Variants in PPIL2 observed in about 807,000 individuals in gnomAD.
PPIL2 encodes peptidylprolyl isomerase like 2.
Under a neutral mutation model 75.2 loss-of-function variants are expected in PPIL2, and 50 were observed. The observed-to-expected ratio is 0.66, with a 90% CI of 0.53 to 0.84. The LOEUF (loss-of-function observed/expected upper bound fraction) is 0.84. PPIL2 is among the 40% of genes least tolerant of loss of function. PPIL2 has a pLI of 0.00. For synonymous variants in PPIL2, 245 were observed against 258.8 expected (o/e 0.95, Z 0.51); for missense variants, 590 against 685.0 (o/e 0.86, Z 1.55).
chr22:21,680,356 G>C (rs1413407506), intron 6 of PPIL2, among the ~76,000 whole-genome samples: 2 of 152,076 alleles, frequency 1.3e-5, no homozygotes, highest in Non-Finnish European at 2.9e-5. Flanking sequence ...GTGAAACACT[G>C]TCTCTACTAA....
At chr22:21,670,281 G>T in intron 2 of PPIL2, 1 of 1,416,390 alleles carries the variant, frequency 7.1e-7, no homozygotes, top group African/African-American at 1.5e-5. Context: ...GGAATAAAAA[G>T]AATGATAATA....
Position 21,690,741 on chromosome 22 carries a change from TC to T in PPIL2, c.1139+1895del, listed in dbSNP as rs369549972. Among the ~76,000 whole-genome samples the T allele has an allele frequency of 7.5e-4, 114 of 152,334 alleles. No homozygotes were observed. In the East Asian group the frequency reaches 0.021, roughly 29 times the overall value. On this transcript the variant is annotated intron_variant, in intron 15 of 19. Transcript: ENST00000398831. ...CGTCTGTCATTTTGAGGGTGCATGT[TC>T]CCTCTTCACTGCTTGCTGGTTGTTG...
chr22:21,696,715 A>AT lies in PPIL2; in HGVS notation c.*1230dup. The AT allele has an allele frequency of 8.5e-6, 13 of 1,536,408 alleles. No homozygotes were observed. The highest frequency in any genetic ancestry group is 1.1e-5 in the Non-Finnish European group (13 of 1,146,508). On this transcript the variant is annotated 3_prime_UTR_variant, in exon 20 of 20. Coordinates refer to ENST00000398831, the MANE Select transcript of PPIL2 (RefSeq NM_014337.4). ...CTTAGGCCTTGTTCTTGGTTTTCTC[A>AT]TTTTTGTTGCCCCAAATCTTGAACC... is the stretch of plus-strand genomic sequence containing the variant.
chr22:21,669,336 A>G (rs773759827), intron 1 of PPIL2: 8 of 451,280 alleles, frequency 1.8e-5, no homozygotes, highest in Non-Finnish European at 3.6e-5. Context: ...TCTTGTAGAG[A>G]CAGATTCTCG....
intron 1 of PPIL2, among the ~76,000 whole-genome samples, chr22:21,666,528 A>T (rs756691192): frequency 1.6e-4 from 25 of 152,096 alleles, no homozygotes; most frequent in Non-Finnish European, 3.2e-4. Flanking sequence ...AAAGCAAACC[A>T]GGTCGGGCGC....
At position 21,688,608 on chromosome 22, in the gene PPIL2, A is replaced by G. The variant is rs1375704693; in HGVS notation, c.1022-124A>G. ...GTGGCGTGGGGCTGGGAGCCTCCCT[A>G]TCAAGTGCCCCTGCCCCAGGCTGGG... On this transcript the variant is annotated intron_variant, in intron 14 of 19. Transcript: ENST00000398831. 9 of 886,150 alleles carry G rather than the reference A, an allele frequency of 1.0e-5. No individual in the cohort carries two copies. The South Asian group carries it at 1.3e-4, about 12-fold the overall frequency. The allele number at this position is 886,150 out of a possible 1,614,324, so 54.9% of individuals were successfully genotyped here.
chr22:21,684,684 T>C lies in PPIL2; in HGVS notation c.554-69T>C. ...ACGGCCCTGGGCTATTCTAGATCTG[T>C]GTCCCCAGCACGTGTGTGGGGAGGC... On this transcript the variant is annotated intron_variant, in intron 9 of 19. Transcript: ENST00000398831. 12 of 1,564,546 alleles carry C rather than the reference T, an allele frequency of 7.7e-6. No individual in the cohort carries two copies. The East Asian group carries it at 9.1e-5, about 12-fold the overall frequency.
At chr22:21,670,786 T>C (rs2066601720) in intron 3 of PPIL2, 175 bp downstream of exon 3, 3 of 863,932 alleles carry the variant, frequency 3.5e-6, no homozygotes, top group African/African-American at 1.7e-5. Context: ...GGAGCTTGCC[T>C]TGGTGTTGGA....
rs374736196 is a variant in PPIL2, at chr22:21,682,430, G to A, written c.388-7G>A. ...GGCATCGTAAAACCACTTCCTCCTG[G>A]CTATAGGCAGTGGAACAGCTAAATA... is the stretch of plus-strand genomic sequence containing the variant. On this transcript the variant is annotated splice_polypyrimidine_tract_variant and splice_region_variant and intron_variant, in intron 7 of 19. Transcript: ENST00000398831. 18 of 1,612,498 alleles carry A rather than the reference G, an allele frequency of 1.1e-5. No individual in the cohort carries two copies. The highest frequency in any genetic ancestry group is 1.5e-5 in the Non-Finnish European group (18 of 1,178,698).
At chr22:21,671,196 A>G (rs2066619267) in intron 4 of PPIL2, 137 bp downstream of exon 4, 7 of 879,502 alleles carry the variant, frequency 8.0e-6, no homozygotes, top group Non-Finnish European at 1.3e-5. Context: ...CATGGCAGCA[A>G]TGCTGCTGTG....
intron 11 of PPIL2, 58 bp downstream of exon 11, chr22:21,686,616 G>T: frequency 6.5e-7 from 1 of 1,533,152 alleles, no homozygotes; most frequent in East Asian, 2.3e-5. Flanking sequence ...GCAGGGGGTG[G>T]GTGTGCTCCC....
chr22:21,697,246 G>T lies in PPIL2; in HGVS notation c.*1756G>T. Reference sequence around the variant, plus strand: ...CACACCTGTAGGCCTCTGAGCCAGCGTCCAGGGTACAGGTGCGGGTGGTGG... The same window carrying T: ...CACACCTGTAGGCCTCTGAGCCAGCTTCCAGGGTACAGGTGCGGGTGGTGG... On this transcript the variant is annotated 3_prime_UTR_variant, in exon 20 of 20. Coordinates refer to ENST00000398831, the MANE Select transcript of PPIL2 (RefSeq NM_014337.4). The T allele has an allele frequency of 5.9e-6, 3 of 510,734 alleles. No homozygotes were observed. In the South Asian group the frequency reaches 6.5e-5, roughly 11 times the overall value. The allele number at this position is 510,734 out of a possible 1,614,324, so 31.6% of individuals were successfully genotyped here.
At chr22:21,695,340 G>GT in intron 19 of PPIL2, 54 bp from the exon 20 acceptor site, 1 of 1,549,880 alleles carries the variant, frequency 6.5e-7, no homozygotes, top group Non-Finnish European at 8.7e-7. Context: ...ACACAGACAA[G>GT]TCAGGAGGGG....
chr22:21,672,490 A>G (rs1417042848), intron 5 of PPIL2, 109 bp downstream of exon 5: 2 of 1,140,544 alleles, frequency 1.8e-6, no homozygotes, highest in African/African-American at 3.0e-5. Context: ...AGAACCGTTC[A>G]TGGGGCCCAG....
rs758466855 is a variant in PPIL2, at chr22:21,694,894, G to T, written c.1333-43G>T. 8.5e-5 allele frequency: 136 copies of T among 1,604,964 alleles called. 1 individual carries two copies. In the East Asian group the frequency reaches 2.3e-3, roughly 28 times the overall value. On this transcript the variant is annotated intron_variant, in intron 18 of 19. Transcript: ENST00000398831. ...CCACCCCAAGCCTAGCATCTGTCCTGCCCGAGGTGCTGCCGGTTAGCCAGC... is the reference window on the plus strand; with the variant it reads ...CCACCCCAAGCCTAGCATCTGTCCTTCCCGAGGTGCTGCCGGTTAGCCAGC...
chr22:21,694,891 C>A, intron 18 of PPIL2, 46 bp from the exon 19 acceptor site: 1 of 1,603,574 alleles, frequency 6.2e-7, no homozygotes, highest in Non-Finnish European at 8.5e-7. Context: ...TAGCATCTGT[C>A]CTGCCCGAGG....
In PPIL2 at chr22:21,697,313, G is replaced by A. The variant is rs570714748; in HGVS notation, c.*1823G>A. On this transcript the variant is annotated 3_prime_UTR_variant, in exon 20 of 20. Transcript: ENST00000398831. ...AGGGAGGGAGAAGCAGGTTTGGAGA[G>A]GACCCTGTGCCCACCCTGACAGACA... 370 of 327,922 alleles carry A rather than the reference G, an allele frequency of 1.1e-3. 3 individuals are homozygous for A. The highest frequency in any genetic ancestry group is 7.1e-3 in the African/African-American group (337 of 47,432). The allele number at this position is 327,922 out of a possible 1,614,324, so 20.3% of individuals were successfully genotyped here. A position where few individuals can be genotyped will look rare whatever the true frequency, so the allele number is the denominator to read the frequency against.
chr22:21,677,297 C>T (rs2066913206), intron 6 of PPIL2, among the ~76,000 whole-genome samples: 1 of 152,266 alleles, frequency 6.6e-6, no homozygotes, highest in Non-Finnish European at 1.5e-5. Flanking sequence ...GACAGGGTGG[C>T]GGCCGGGCAG....
chr22:21,693,979 A>G lies in PPIL2; in HGVS notation c.1196+107A>G. The G allele has an allele frequency of 1.3e-5, 16 of 1,208,526 alleles. No individual in the cohort carries two copies. The South Asian group carries it at 2.0e-4, about 15-fold the overall frequency. The allele number at this position is 1,208,526 out of a possible 1,614,324, so 74.9% of individuals were successfully genotyped here. A position where few individuals can be genotyped will look rare whatever the true frequency, so the allele number is the denominator to read the frequency against. ...TTTTCGTGGACCTGAGTCATGTGCC[A>G]TGCTGGCCATCACTGCTGGGGGTTG... is the stretch of plus-strand genomic sequence containing the variant. On this transcript the variant is annotated intron_variant, in intron 16 of 19. Transcript: ENST00000398831.
Sources: gnomAD v4.1 joint callset for allele counts (sites outside exome capture counted in the v4.1 genomes callset) on GRCh38, gnomAD v4.1.1 for gene constraint, MANE v1.5 for transcripts, NCBI Gene and HGNC (gene_info 2026-07-23, HGNC 2026-07-21) for gene names.